The following RABGAP1 variants were observed in gnomAD, a reference collection of about 807,000 sequenced individuals.
The protein encoded by RABGAP1 is RAB GTPase activating protein 1.
A neutral mutation model predicts 137.6 loss-of-function variants in RABGAP1; 23 were observed. The ratio of observed to expected loss-of-function variants is 0.17; its 90% CI spans 0.12 to 0.24. RABGAP1 has a LOEUF of 0.24. RABGAP1 is among the 10% of genes least tolerant of loss of function. RABGAP1 has a pLI of 1.00. For synonymous variants in RABGAP1, 451 were observed against 450.7 expected (o/e 1.00, Z -0.01); for missense variants, 906 against 1,275.8 (o/e 0.71, Z 4.42).
At chr9:123,042,513 AG>A (rs1327171094) in intron 13 of RABGAP1, among the ~76,000 whole-genome samples, 1 of 152,242 alleles carries the variant, frequency 6.6e-6, no homozygotes, top group Non-Finnish European at 1.5e-5. Flanking sequence ...CCATTAAAGC[AG>A]GGGAGAACAG....
intron 10 of RABGAP1, among the ~76,000 whole-genome samples, chr9:123,007,047 GA>G (rs924514428): frequency 1.7e-4 from 25 of 145,498 alleles, no homozygotes; most frequent in African/African-American, 2.8e-4. Flanking sequence ...TGTAGCTCTG[GA>G]AAAAAAAAAC....
At chr9:122,932,360 T>C in the RABGAP1 span, among the ~76,000 whole-genome samples, 11 of 152,196 alleles carry the variant, frequency 7.2e-5, no homozygotes, top group Non-Finnish European at 1.5e-4. Context: ...GTGCTGGGAT[T>C]ACATGTGTGA....
At chr9:123,076,926 C>T in intron 19 of RABGAP1, 164 bp downstream of exon 19, 1 of 372,526 alleles carries the variant, frequency 2.7e-6, no homozygotes, top group Non-Finnish European at 3.8e-6. Context: ...ATGTTTTCTT[C>T]TGTATTATAT....
intron 2 of RABGAP1, among the ~76,000 whole-genome samples, chr9:122,976,078 GT>G (rs1445211808): frequency 2.0e-5 from 3 of 152,048 alleles, no homozygotes; most frequent in Non-Finnish European, 4.4e-5. Context: ...TCTGGGCCCA[GT>G]TTTTTTTAGT....
intron 13 of RABGAP1, among the ~76,000 whole-genome samples, chr9:123,060,162 A>G (rs964681835): frequency 1.3e-5 from 2 of 152,374 alleles, no homozygotes; most frequent in Admixed American, 1.3e-4. Flanking sequence ...TATAATTTAC[A>G]TACAATAAAC....
At chr9:122,942,669 CAAAA>C (rs10660327) in intron 1 of RABGAP1, among the ~76,000 whole-genome samples, 1 of 90,342 alleles carries the variant, frequency 1.1e-5, no homozygotes, top group Non-Finnish European at 2.1e-5. Context: ...GACTCCGTCT[CAAAA>C]AAAAAAAAAA....
intron 13 of RABGAP1, among the ~76,000 whole-genome samples, chr9:123,048,303 A>G (rs536781205): frequency 5.2e-4 from 79 of 152,296 alleles, no homozygotes; most frequent in African/African-American, 1.9e-3. Context: ...CTTATTTCAG[A>G]AGAGAAGCTA....
chr9:122,969,513 T>C (rs539611779), intron 2 of RABGAP1, among the ~76,000 whole-genome samples: 1 of 152,220 alleles, frequency 6.6e-6, no homozygotes, highest in Admixed American at 6.5e-5. Flanking sequence ...ATTATTCAAA[T>C]TGTTAAATCT....
intron 2 of RABGAP1, among the ~76,000 whole-genome samples, chr9:122,974,718 A>G (rs1279342431): frequency 1.2e-4 from 19 of 152,186 alleles, no homozygotes; most frequent in Admixed American, 1.2e-3. Flanking sequence ...TCTTCAGTTG[A>G]CTTTTCAGGA....
intron 14 of RABGAP1, among the ~76,000 whole-genome samples, chr9:123,069,334 A>G (rs1395209879): frequency 6.6e-6 from 1 of 152,226 alleles, no homozygotes; most frequent in Non-Finnish European, 1.5e-5. Context: ...AATAACATTA[A>G]CAGTGTTTCG....
At chr9:123,009,923 T>C (rs2030649155) in intron 10 of RABGAP1, among the ~76,000 whole-genome samples, 1 of 152,226 alleles carries the variant, frequency 6.6e-6, no homozygotes, top group Non-Finnish European at 1.5e-5. Flanking sequence ...TTGAAGTTTA[T>C]GTTTTAGAGT....
intron 1 of RABGAP1, among the ~76,000 whole-genome samples, chr9:122,944,835 C>T (rs1833852529): frequency 6.6e-6 from 1 of 151,930 alleles, no homozygotes; most frequent in Non-Finnish European, 1.5e-5. Context: ...CCTCGGCCTC[C>T]CAAAATGATA....
At chr9:123,043,136 C>T (rs999093329) in intron 13 of RABGAP1, among the ~76,000 whole-genome samples, 2 of 152,128 alleles carry the variant, frequency 1.3e-5, no homozygotes, top group African/African-American at 4.8e-5. Flanking sequence ...AAATATTCAC[C>T]TGCCTTAACG....
chr9:122,942,964 T>G (rs565461587), intron 1 of RABGAP1, among the ~76,000 whole-genome samples: 1 of 151,980 alleles, frequency 6.6e-6, no homozygotes, highest in East Asian at 1.9e-4. Context: ...TAAGCTATGA[T>G]GGGTGCCACT....
chr9:123,049,998 GAC>G (rs1175273807), intron 13 of RABGAP1, among the ~76,000 whole-genome samples: 2 of 152,236 alleles, frequency 1.3e-5, no homozygotes, highest in Non-Finnish European at 2.9e-5. Context: ...AGTACCCAGA[GAC>G]AGAACAGCCT....
At chr9:122,970,494 G>T (rs1301698626) in intron 2 of RABGAP1, among the ~76,000 whole-genome samples, 2 of 152,150 alleles carry the variant, frequency 1.3e-5, no homozygotes, top group Non-Finnish European at 2.9e-5. Flanking sequence ...GGGGGTACAT[G>T]TACAGGTTTG....
intron 2 of RABGAP1, among the ~76,000 whole-genome samples, chr9:122,979,600 C>G (rs1835944035): frequency 6.6e-6 from 1 of 152,194 alleles, no homozygotes; most frequent in Non-Finnish European, 1.5e-5. Flanking sequence ...TTAGAGCACA[C>G]TTAGGTTTGT....
chr9:122,966,169 G>T (rs1045137997), intron 2 of RABGAP1, among the ~76,000 whole-genome samples: 1 of 152,126 alleles, frequency 6.6e-6, no homozygotes, highest in African/African-American at 2.4e-5. Flanking sequence ...GGATATATGA[G>T]ACAAATACTA....
intron 4 of RABGAP1, among the ~76,000 whole-genome samples, chr9:122,988,678 T>C (rs1463330068): frequency 1.3e-5 from 2 of 152,118 alleles, no homozygotes; most frequent in Non-Finnish European, 2.9e-5. Context: ...CCAGGTGTGG[T>C]GGCTTATGCC....
Sources: allele counts gnomAD v4.1 joint callset (sites outside exome capture counted in the v4.1 genomes callset), GRCh38; gene constraint gnomAD v4.1.1; transcripts MANE v1.5; gene names NCBI Gene and HGNC (gene_info 2026-07-23, HGNC 2026-07-21).